The following SLC4A3 variants were observed in gnomAD, a reference collection of about 807,000 sequenced individuals.
SLC4A3 encodes anion exchange protein 3.
Under a neutral mutation model 114.2 loss-of-function variants are expected in SLC4A3, and 47 were observed. That is an observed-to-expected ratio of 0.41 (90% CI 0.33 to 0.52). SLC4A3 has a LOEUF of 0.52. Among genes scored for constraint, SLC4A3 ranks in the 20% least tolerant of loss-of-function variants. The pLI is 0.21. For synonymous variants in SLC4A3, 693 were observed against 710.3 expected (o/e 0.98, Z 0.39); for missense variants, 1,312 against 1,668.3 (o/e 0.79, Z 3.72).
chr2:219,641,142 T>G lies in SLC4A3; in HGVS notation c.3621+180T>G, dbSNP rs949654971. Among the ~76,000 whole-genome samples the G allele has an allele frequency of 6.6e-6, 1 of 152,154 alleles. No homozygotes were observed. The highest frequency in any genetic ancestry group is 2.4e-5 in the African/African-American group (1 of 41,430). ...AATAGGGGTGATCATAGACCCTACC[T>G]TATAGGACTGTTGGGAGGGTCAAGT... On this transcript the variant is annotated intron_variant, in intron 22 of 22. Coordinates refer to ENST00000358055, the MANE Select transcript of SLC4A3 (RefSeq NM_005070.4). The surrounding 1 kb of genome is among the most constrained non-coding windows in gnomAD (Gnocchi z 4.0).
In SLC4A3 at chr2:219,631,398, G is replaced by A. The variant is rs757232802; in HGVS notation, c.812-570G>A. 10 of 1,304,322 alleles carry A rather than the reference G, an allele frequency of 7.7e-6. No homozygotes were observed. The African/African-American group carries it at 1.4e-4, about 18-fold the overall frequency. The allele number at this position is 1,304,322 out of a possible 1,614,324, so 80.8% of individuals were successfully genotyped here. A position where few individuals can be genotyped will look rare whatever the true frequency, so the allele number is the denominator to read the frequency against. On this transcript the variant is annotated intron_variant, in intron 6 of 22. Transcript: ENST00000358055. This position sits in a 1 kb window ranked among gnomAD's most constrained non-coding sequence, Gnocchi z 6.3. ...GATGTTTGTGCTGGACTTTGAGGAT[G>A]GTGACCTGTGGGAGTCCATCAGGGG...
Position 219,636,210 on chromosome 2 carries a change from T to G in SLC4A3, c.2192-92T>G. 7 of 1,479,850 alleles carry G rather than the reference T, an allele frequency of 4.7e-6. No homozygotes were observed. The highest frequency in any genetic ancestry group is 6.5e-6 in the Non-Finnish European group (7 of 1,074,662). 91.7% of individuals were successfully genotyped at this position (1,479,850 alleles called of 1,614,324 possible). A position where few individuals can be genotyped will look rare whatever the true frequency, so the allele number is the denominator to read the frequency against. ...TGTCACTCTAAGGGGCTGCTCTGCT[T>G]TTGTTGGGGGCCCCAGTTTAGGACA... On this transcript the variant is annotated intron_variant, in intron 14 of 22. Coordinates refer to ENST00000358055, the MANE Select transcript of SLC4A3 (RefSeq NM_005070.4). The surrounding 1 kb of genome is among the most constrained non-coding windows in gnomAD (Gnocchi z 5.5).
In SLC4A3 at chr2:219,639,801, C is replaced by T; in HGVS notation, c.3277+66C>T. 2.6e-6 allele frequency: 4 copies of T among 1,567,412 alleles called. No homozygotes were observed. The highest frequency in any genetic ancestry group is 2.3e-5 in the East Asian group (1 of 44,150). On this transcript the variant is annotated intron_variant, in intron 20 of 22. Coordinates refer to ENST00000358055, the MANE Select transcript of SLC4A3 (RefSeq NM_005070.4). This position sits in a 1 kb window ranked among gnomAD's most constrained non-coding sequence, Gnocchi z 5.9. ...CCCCACGGTCTTACATCTTCACTAT[C>T]CCAGGCTTGACCCTGAATCTCCCAA...
chr2:219,633,346 G>C lies in SLC4A3; in HGVS notation c.1350G>C (p.Leu450=), dbSNP rs939431367. The part of the protein sequence containing the change: ...NPSSSSMNSV[L]GNHHPTPSHG... ...CGAGCTCCAGCATGAACTCGGTTCT[G>C]GGGAATCATCACCCAACTCCCAGCC... Residue 450 remains leucine (L), a synonymous_variant, in exon 10 of 23, where the codon CTG becomes CTC. Transcript: ENST00000358055. 6.2e-7 allele frequency: 1 copy of C among 1,607,692 alleles called. No individual in the cohort carries two copies. The highest frequency in any genetic ancestry group is 1.3e-5 in the African/African-American group (1 of 74,898).
rs1330911767 is a variant in SLC4A3, at chr2:219,635,874, C to T, written c.2174C>T (p.Thr725Ile). Residue 725 changes from threonine to isoleucine, a missense_variant, in exon 14 of 23, where the codon ACC becomes ATC. Thr to Ile is a moderately conservative substitution (Grantham distance 89, BLOSUM62 -1). Coordinates refer to ENST00000358055, the MANE Select transcript of SLC4A3 (RefSeq NM_005070.4). ...IYFAALSPAI[T>I]FGGLLGEKTE... Reference sequence around the variant, plus strand: ...TTCGCAGCCCTCAGCCCTGCCATCACCTTCGGGGGGCTGCTGGGTAAGGGA... The same window carrying T: ...TTCGCAGCCCTCAGCCCTGCCATCATCTTCGGGGGGCTGCTGGGTAAGGGA... The T allele has an allele frequency of 6.6e-7, 1 of 1,526,038 alleles. No homozygotes were observed. The highest frequency in any genetic ancestry group is 1.4e-5 in the African/African-American group (1 of 72,272). The allele number at this position is 1,526,038 out of a possible 1,614,324, so 94.5% of individuals were successfully genotyped here.
At position 219,640,617 on chromosome 2, in the gene SLC4A3, G is replaced by A; in HGVS notation, c.3447+18G>A. 6.2e-7 allele frequency: 1 copy of A among 1,612,062 alleles called. No homozygotes were observed. Among genetic ancestry groups the A allele is most frequent in the Non-Finnish European group, 8.5e-7 (1 of 1,178,744 alleles). ...TGACCAAGGTAGGGCCGGGAAGCAT[G>A]GGGGTAGGGCAGTGGGGTGACGGGA... On this transcript the variant is annotated intron_variant, in intron 21 of 22. Coordinates refer to ENST00000358055, the MANE Select transcript of SLC4A3 (RefSeq NM_005070.4).
At position 219,639,617 on chromosome 2, in the gene SLC4A3, C is replaced by T. The variant is rs577799483; in HGVS notation, c.3159C>T (p.Ser1053=). Residue 1053 remains serine, a synonymous_variant, in exon 20 of 23, where the codon TCC becomes TCT. Coordinates refer to ENST00000358055, the MANE Select transcript of SLC4A3 (RefSeq NM_005070.4). This position sits in a 1 kb window ranked among gnomAD's most constrained non-coding sequence, Gnocchi z 5.9. ...GGCTCACGGCTGCCACGGTCCGCTCCGTCACCCATGTCAATGCGTTGACAG... is the reference window on the plus strand; with the variant it reads ...GGCTCACGGCTGCCACGGTCCGCTCTGTCACCCATGTCAATGCGTTGACAG... ...LPWLTAATVR[S]VTHVNALTVM... 1.1e-4 allele frequency: 173 copies of T among 1,613,996 alleles called. No individual in the cohort carries two copies. The South Asian group carries it at 1.5e-3, about 14-fold the overall frequency.
chr2:219,634,514 C>A lies in SLC4A3; in HGVS notation c.1656C>A (p.Val552=), dbSNP rs1341930865. 6.2e-7 allele frequency: 1 copy of A among 1,614,092 alleles called. No homozygotes were observed. The highest frequency in any genetic ancestry group is 8.5e-7 in the Non-Finnish European group (1 of 1,180,058). The part of the protein sequence containing the change: ...LESVLEVPVP[V]RFLFVMLGPS... ...CTGTGCTTGAGGTCCCTGTCCCGGT[C>A]CGCTTCCTCTTCGTGATGCTGGGGC... Residue 552 remains valine, a synonymous_variant, in exon 12 of 23, where the codon GTC becomes GTA. Transcript: ENST00000358055.
chr2:219,633,254 C>T lies in SLC4A3; in HGVS notation c.1278-20C>T, dbSNP rs1392821368. ...ACCATGAGCCTCTCCTCCTCACCTG[C>T]CTCACCCTGCCCCTTCCAGCCATCC... On this transcript the variant is annotated intron_variant, in intron 9 of 22. Transcript: ENST00000358055. 6.5e-7 allele frequency: 1 copy of T among 1,541,442 alleles called. No individual in the cohort carries two copies. The highest frequency in any genetic ancestry group is 8.8e-7 in the Non-Finnish European group (1 of 1,139,322).
In SLC4A3 at chr2:219,633,998, C is replaced by CG. The variant is rs764519414; in HGVS notation, c.1561+24dup. On this transcript the variant is annotated intron_variant, in intron 11 of 22. Coordinates refer to ENST00000358055, the MANE Select transcript of SLC4A3 (RefSeq NM_005070.4). ...CTTGTGGGTGAGGAGGGCCGGGCGCCGGGGGCAGGGTCTGCAGTGTGTGTG... is the reference window on the plus strand; with the variant it reads ...CTTGTGGGTGAGGAGGGCCGGGCGCCGGGGGGCAGGGTCTGCAGTGTGTGTG... 1 of 1,537,522 alleles carries CG rather than the reference C, an allele frequency of 6.5e-7. No individual in the cohort carries two copies. The highest frequency in any genetic ancestry group is 8.8e-7 in the Non-Finnish European group (1 of 1,139,816).
At chr2:219,629,071 G>GGT in intron 3 of SLC4A3, 73 bp from the exon 4 acceptor site, 1 of 1,486,936 alleles carries the variant, frequency 6.7e-7, no homozygotes, top group South Asian at 1.3e-5. Flanking sequence ...TGAGCTGGAA[G>GGT]GTGTGTGCCC....
At chr2:219,629,523 G>A in intron 4 of SLC4A3, 57 bp from the exon 5 acceptor site, 1 of 1,585,254 alleles carries the variant, frequency 6.3e-7, no homozygotes, top group African/African-American at 1.3e-5. Flanking sequence ...GCTGGGTAGG[G>A]TTGGGGGCTG....
At position 219,636,459 on chromosome 2, in the gene SLC4A3, A is replaced by G. The variant is rs1464743980; in HGVS notation, c.2340+9A>G. On this transcript the variant is annotated intron_variant, in intron 15 of 22. Coordinates refer to ENST00000358055, the MANE Select transcript of SLC4A3 (RefSeq NM_005070.4). The surrounding 1 kb of genome is among the most constrained non-coding windows in gnomAD (Gnocchi z 5.5). ...AGGAAGCCTTCTTCAAGGTGAGGCG[A>G]AGCCTTGCCCTGCTCCATCCATCCT... 4 of 1,597,472 alleles carry G rather than the reference A, an allele frequency of 2.5e-6. No individual in the cohort carries two copies. The highest frequency in any genetic ancestry group is 3.4e-6 in the Non-Finnish European group (4 of 1,172,696).
In SLC4A3 at chr2:219,629,433, C is replaced by A; in HGVS notation, c.495+12C>A. 6.3e-7 allele frequency: 1 copy of A among 1,594,260 alleles called. No individual in the cohort carries two copies. The highest frequency in any genetic ancestry group is 2.2e-5 in the East Asian group (1 of 44,654). ...CACAGAAGGCAAAGGTAGGGGCTTC[C>A]CTTTGGAGGGGTGGCAGGTCAGGGG... is the stretch of plus-strand genomic sequence containing the variant. On this transcript the variant is annotated intron_variant, in intron 4 of 22. Coordinates refer to ENST00000358055, the MANE Select transcript of SLC4A3 (RefSeq NM_005070.4).
At position 219,635,392 on chromosome 2, in the gene SLC4A3, G is replaced by A. The variant is rs1489059788; in HGVS notation, c.1868G>A (p.Arg623His). The change falls in exon 13 of 23, where the codon CGC (arginine) becomes CAC (histidine). Residue 623 changes from arginine (R) to histidine (H), a missense_variant. Around this residue, in one of 4 missense-constraint regions of SLC4A3, gnomAD observed 771 missense variants for 977.7 expected, o/e 0.79. Coordinates refer to ENST00000358055, the MANE Select transcript of SLC4A3 (RefSeq NM_005070.4). The stretch of plus-strand genomic sequence containing the variant: ...GAGGTGGAGGGCCGTGACCTGCTGC[G>A]CTCCGTGGCTGCTTTCCAGCGAGAG... The part of the protein sequence containing the change: ...PSEVEGRDLL[R>H]SVAAFQRELL... 6 of 1,614,146 alleles carry A rather than the reference G, an allele frequency of 3.7e-6. No homozygotes were observed. The highest frequency in any genetic ancestry group is 1.1e-5 in the South Asian group (1 of 91,086).
chr2:219,635,898 G>A lies in SLC4A3; in HGVS notation c.2191+7G>A, dbSNP rs113003493. ...ACCTTCGGGGGGCTGCTGGGTAAGG[G>A]ACTGGGGCTTGGGGAGTTGAGGGGC... On this transcript the variant is annotated splice_region_variant and intron_variant, in intron 14 of 22. Coordinates refer to ENST00000358055, the MANE Select transcript of SLC4A3 (RefSeq NM_005070.4). The A allele has an allele frequency of 1.3e-6, 2 of 1,496,432 alleles. No homozygotes were observed. Among genetic ancestry groups the A allele is most frequent in the African/African-American group, 1.4e-5 (1 of 71,740 alleles). 92.7% of individuals were successfully genotyped at this position (1,496,432 alleles called of 1,614,324 possible). A position where few individuals can be genotyped will look rare whatever the true frequency, so the allele number is the denominator to read the frequency against.
intron 20 of SLC4A3, among the ~76,000 whole-genome samples, chr2:219,640,181 G>C (rs1342079631): frequency 6.6e-6 from 1 of 151,698 alleles, no homozygotes; most frequent in African/African-American, 2.4e-5. Context: ...CACCCACCTC[G>C]GCCTCCCAAA....
rs1228400613 is a variant in SLC4A3 at position 219,627,911 on chromosome 2, A to G, written c.-82A>G. The G allele has an allele frequency of 7.7e-6, 9 of 1,166,850 alleles. No homozygotes were observed. The highest frequency in any genetic ancestry group is 8.7e-6 in the Non-Finnish European group (7 of 807,108). The allele number at this position is 1,166,850 out of a possible 1,614,324, so 72.3% of individuals were successfully genotyped here. ...CCCTCCTCCCCCAGGGCTCCCCGCT[A>G]GGCCCCCTCAGTGGCCCCTCCTTCT... On this transcript the variant is annotated 5_prime_UTR_variant, in exon 2 of 23. Coordinates refer to ENST00000358055, the MANE Select transcript of SLC4A3 (RefSeq NM_005070.4).
chr2:219,630,329 C>T lies in SLC4A3; in HGVS notation c.788C>T (p.Ser263Phe). The change falls in exon 6 of 23, where the codon TCT (serine) becomes TTT (phenylalanine). Residue 263 changes from serine (S) to phenylalanine (F), a missense_variant. Coordinates refer to ENST00000358055, the MANE Select transcript of SLC4A3 (RefSeq NM_005070.4). This position sits in a 1 kb window ranked among gnomAD's most constrained non-coding sequence, Gnocchi z 6.9. ...TDEAEAQMLG[S>F]ADLDDMKSHR... is the part of the protein sequence containing the mutation. Reference sequence around the variant, plus strand: ...GAGGCGGAGGCCCAGATGCTGGGTTCTGCAGACCTGGACGACATGAAGAGT... The same window carrying T: ...GAGGCGGAGGCCCAGATGCTGGGTTTTGCAGACCTGGACGACATGAAGAGT... 1 of 1,608,360 alleles carries T rather than the reference C, an allele frequency of 6.2e-7. No homozygotes were observed. The highest frequency in any genetic ancestry group is 8.5e-7 in the Non-Finnish European group (1 of 1,177,484).
Sources: gnomAD v4.1 joint callset for allele counts (sites outside exome capture counted in the v4.1 genomes callset) on GRCh38, gnomAD v4.1.1 for gene constraint, gnomAD v4.1.1 regional missense constraint, Gnocchi (gnomAD v3.1) non-coding constraint, MANE v1.5 for transcripts, NCBI Gene and HGNC (gene_info 2026-07-23, HGNC 2026-07-21) for gene names.